ARSG: variants seen among roughly 807,000 people sequenced by gnomAD.
The protein encoded by ARSG is arylsulfatase G.
A neutral mutation model predicts 50.5 loss-of-function variants in ARSG; 37 were observed. The ratio of observed to expected loss-of-function variants is 0.73; its 90% confidence interval spans 0.56 to 0.96. ARSG has a LOEUF of 0.96. ARSG is among the 50% of genes least tolerant of loss of function. The pLI is 0.00. For missense variants in ARSG, 629 were observed against 675.3 expected (o/e 0.93, Z 0.76); for synonymous variants, 225 against 254.6 (o/e 0.88, Z 1.11).
chr17:68,329,831 A>G (rs1188418730), intron 2 of ARSG, among the ~76,000 whole-genome samples: 1 of 152,206 alleles, frequency 6.6e-6, no homozygotes, highest in East Asian at 1.9e-4. Context: ...TCACAAAAAA[A>G]TCAATGTTTT....
the ARSG span, among the ~76,000 whole-genome samples, chr17:68,451,161 G>A: frequency 5.3e-5 from 8 of 152,350 alleles, no homozygotes; most frequent in South Asian, 4.1e-4. Flanking sequence ...CTGGCATGGC[G>A]GCTCACGCCT....
At chr17:68,331,213 C>CTTTCTTTCTTTCTTTG (rs2077737497) in intron 2 of ARSG, among the ~76,000 whole-genome samples, 3 of 40,988 alleles carry the variant, frequency 7.3e-5, no homozygotes, top group African/African-American at 2.9e-4. Context: ...TTCTTTCTTT[C>CTTTCTTTCTTTCTTTG]TTTCTTTCTT....
rs952546800 is a variant in ARSG, at chr17:68,278,013, C to T, written c.-552+18587C>T. Reference sequence around the variant, plus strand: ...GGGAATGAAAGCATCACAAACACATCGACTACCATTACCAAGGTAGCCAAA... The same window carrying T: ...GGGAATGAAAGCATCACAAACACATTGACTACCATTACCAAGGTAGCCAAA... On this transcript the variant is annotated intron_variant, in intron 1 of 11. Coordinates refer to the ARSG transcript ENST00000448504. 1.8e-5 allele frequency: 17 copies of T among 929,190 alleles called. No individual in the cohort carries two copies. In the East Asian group the frequency reaches 2.0e-4, roughly 11 times the overall value. 57.6% of individuals were successfully genotyped at this position (929,190 alleles called of 1,614,324 possible). A position where few individuals can be genotyped will look rare whatever the true frequency, so the allele number is the denominator to read the frequency against.
chr17:68,419,847 A>G (rs558831926), intron 11 of ARSG, among the ~76,000 whole-genome samples: 5 of 151,452 alleles, frequency 3.3e-5, no homozygotes, highest in Admixed American at 6.6e-5. Context: ...AGCCCCATCT[A>G]CTTGGGAGGC....
Position 68,343,866 on chromosome 17 carries a change from C to T in ARSG, c.406+75C>T, listed in dbSNP as rs934086390. 6 of 1,416,746 alleles carry T rather than the reference C, an allele frequency of 4.2e-6. No individual in the cohort carries two copies. In the African/African-American group the frequency reaches 4.3e-5, roughly 10 times the overall value. 87.8% of individuals were successfully genotyped at this position (1,416,746 alleles called of 1,614,324 possible). A position where few individuals can be genotyped will look rare whatever the true frequency, so the allele number is the denominator to read the frequency against. ...CTTGTGTTTGCAAATTCCCAACATA[C>T]TCCCTGTCTGCTTTCCTGTTCATGT... On this transcript the variant is annotated intron_variant, in intron 3 of 11. Transcript: ENST00000621439.
Position 68,368,747 on chromosome 17 carries a change from A to G in ARSG, c.901+3A>G. The G allele has an allele frequency of 6.2e-7, 1 of 1,610,912 alleles. No individual in the cohort carries two copies. Among genetic ancestry groups the G allele is most frequent in the African/African-American group, 1.3e-5 (1 of 74,814 alleles). On this transcript the variant is annotated splice_donor_region_variant and intron_variant, in intron 7 of 11. Coordinates refer to ENST00000621439, the MANE Select transcript of ARSG (RefSeq NM_001267727.2). ...AAACACATTCCTCTGGTTTACAGGTAAAGTAGTAAAAGCCAGCCAGCCTAA... is the reference window on the plus strand; with the variant it reads ...AAACACATTCCTCTGGTTTACAGGTGAAGTAGTAAAAGCCAGCCAGCCTAA...
intron 10 of ARSG, among the ~76,000 whole-genome samples, chr17:68,396,541 C>G (rs2081257461): frequency 6.6e-6 from 1 of 152,136 alleles, no homozygotes; most frequent in Non-Finnish European, 1.5e-5. Flanking sequence ...GCACAGAGTC[C>G]CCTCTGCAAC....
At chr17:68,376,247 A>T (rs1299936065) in intron 8 of ARSG, among the ~76,000 whole-genome samples, 2 of 143,874 alleles carry the variant, frequency 1.4e-5, no homozygotes, top group Admixed American at 7.0e-5. Context: ...AGTACCTTGG[A>T]CTACAGGAGT....
chr17:68,314,095 T>G (rs1555767703), intron 2 of ARSG, among the ~76,000 whole-genome samples: 1 of 152,198 alleles, frequency 6.6e-6, no homozygotes, highest in Non-Finnish European at 1.5e-5. Context: ...CCAGACAGTT[T>G]GAGCTCAAAT....
chr17:68,431,561 A>G, the ARSG span, among the ~76,000 whole-genome samples: 8 of 152,200 alleles, frequency 5.3e-5, no homozygotes, highest in Non-Finnish European at 1.5e-5. Context: ...GTCATGTTCA[A>G]AGGGACATTT....
chr17:68,288,194 G>T (rs1171527311), upstream of ARSG, among the ~76,000 whole-genome samples: 1 of 151,878 alleles, frequency 6.6e-6, no homozygotes, highest in East Asian at 1.9e-4. Flanking sequence ...TAGAGACAGG[G>T]TTTCACCATG....
intron 11 of ARSG, among the ~76,000 whole-genome samples, chr17:68,404,937 A>G (rs1477923464): frequency 6.6e-6 from 1 of 152,206 alleles, no homozygotes; most frequent in Non-Finnish European, 1.5e-5. Flanking sequence ...TATTGAAAAC[A>G]CTGTCCTTTC....
At chr17:68,349,306 GA>G (rs2078648662) in intron 4 of ARSG, among the ~76,000 whole-genome samples, 1 of 151,776 alleles carries the variant, frequency 6.6e-6, no homozygotes, top group South Asian at 2.1e-4. Flanking sequence ...GAAAAAAAAA[GA>G]AAAAAAGAAA....
rs782798677 is a variant in ARSG at position 68,307,473 on chromosome 17, C to T, written c.-21C>T. 1.4e-5 allele frequency: 22 copies of T among 1,598,364 alleles called. No homozygotes were observed. Among genetic ancestry groups the T allele is most frequent in the East Asian group, 4.5e-5 (2 of 44,682 alleles). On this transcript the variant is annotated 5_prime_UTR_variant, in exon 2 of 12. Transcript: ENST00000621439. ...GGTGGCTGCCGTCGCTCCAGACAAT[C>T]GGAATCCTGCCTTCACCACCATGGG...
chr17:68,388,063 T>C (rs2080812003), intron 9 of ARSG, among the ~76,000 whole-genome samples: 1 of 152,150 alleles, frequency 6.6e-6, no homozygotes, highest in Non-Finnish European at 1.5e-5. Context: ...ATTCCACAGA[T>C]ATTTATTGCC....
intron 1 of ARSG, among the ~76,000 whole-genome samples, chr17:68,277,429 C>T (rs1478532547): frequency 4.6e-5 from 7 of 151,062 alleles, no homozygotes; most frequent in African/African-American, 9.8e-5. Context: ...CGCGCCCGGC[C>T]GCAACTTTTT....
chr17:68,296,561 G>T (rs1363227515), intron 1 of ARSG, among the ~76,000 whole-genome samples: 2 of 152,178 alleles, frequency 1.3e-5, no homozygotes, highest in African/African-American at 4.8e-5. Flanking sequence ...GCCCTGCTGT[G>T]ATCGGTGGGG....
intron 2 of ARSG, among the ~76,000 whole-genome samples, chr17:68,325,079 A>G (rs558406041): frequency 1.3e-5 from 2 of 152,290 alleles, no homozygotes; most frequent in East Asian, 1.9e-4. Context: ...GTACCAGTCC[A>G]TGACTTGTTA....
chr17:68,306,857 A>G (rs1459081820), intron 1 of ARSG, 86 bp from the exon 2 acceptor site: 1 of 152,238 alleles, frequency 6.6e-6, no homozygotes, highest in African/African-American at 2.4e-5. Flanking sequence ...TGGCATGGAA[A>G]AGTGATTATT....
Sources: allele counts gnomAD v4.1 joint callset (sites outside exome capture counted in the v4.1 genomes callset), GRCh38; gene constraint gnomAD v4.1.1; transcripts MANE v1.5; gene names NCBI Gene and HGNC (gene_info 2026-07-23, HGNC 2026-07-21).